Variants in PAG1 observed in about 807,000 individuals in gnomAD.
PAG1 encodes phosphoprotein membrane anchor with glycosphingolipid microdomains 1.
In PAG1, 23 loss-of-function variants were observed where a neutral mutation model predicts 31.7. The observed-to-expected ratio is 0.73, with a 90% CI of 0.52 to 1.03. The LOEUF is 1.03. Among genes scored for constraint, PAG1 ranks in the 50% least tolerant of loss-of-function variants. PAG1 has a pLI of 0.00. For synonymous variants in PAG1, 214 were observed against 210.3 expected, an observed-to-expected ratio of 1.02 and a Z score of -0.15; for missense variants, 473 against 540.7, an observed-to-expected ratio of 0.87 and a Z score of 1.24.
chr8:81,040,916 A>C (rs1190655816), intron 2 of PAG1: 1 of 152,232 alleles, frequency 6.6e-6, no homozygotes, highest in Non-Finnish European at 1.5e-5. Context: ...GAAGGAAAAA[A>C]CAGACGTGAA....
chr8:81,065,504 C>A (rs1197367334), intron 2 of PAG1, among the ~76,000 whole-genome samples: 2 of 152,108 alleles, frequency 1.3e-5, no homozygotes, highest in African/African-American at 4.8e-5. Flanking sequence ...CAGAAACTCG[C>A]CATAGGTCAC....
At chr8:81,065,284 C>G (rs1028370918) in intron 2 of PAG1, among the ~76,000 whole-genome samples, 1 of 152,142 alleles carries the variant, frequency 6.6e-6, no homozygotes, top group African/African-American at 2.4e-5. Flanking sequence ...AGAAATAATC[C>G]TCACTTCTGC....
chr8:81,081,058 G>A (rs1167507623), intron 1 of PAG1, among the ~76,000 whole-genome samples: 3 of 152,070 alleles, frequency 2.0e-5, no homozygotes, highest in African/African-American at 7.2e-5. Flanking sequence ...ACTCATCAGG[G>A]CAAATCATTC....
chr8:81,065,647 T>C (rs1264484210), intron 2 of PAG1, among the ~76,000 whole-genome samples: 1 of 151,834 alleles, frequency 6.6e-6, no homozygotes, highest in Non-Finnish European at 1.5e-5. Context: ...TTCTACCCAT[T>C]AGAAGCATTT....
chr8:80,991,382 C>T, intron 5 of PAG1, 97 bp downstream of exon 5: 1 of 933,756 alleles, frequency 1.1e-6, no homozygotes, highest in South Asian at 1.3e-5. Flanking sequence ...CCCGTGGGTT[C>T]TACTCAGGCT....
At chr8:80,984,224 C>T (rs1195600375) in intron 7 of PAG1, among the ~76,000 whole-genome samples, 1 of 152,126 alleles carries the variant, frequency 6.6e-6, no homozygotes, top group African/African-American at 2.4e-5. Context: ...ATGCATTTTA[C>T]AGCTTTGTTG....
chr8:80,987,396 T>G lies in PAG1; in HGVS notation c.248A>C (p.Gln83Pro). The change falls in exon 6 of 9, where the codon CAG becomes CCG. Residue 83 changes from glutamine to proline, a missense_variant. By Grantham distance (76) the Gln-to-Pro change is moderately conservative (BLOSUM62 -1). Transcript: ENST00000220597. ...LATDAPASSE[Q>P]NGALTNGDIL... ...GTCCCCATTGGTGAGTGCCCCATTC[T>G]GCTCACTGCTGGCAGGAGCATCTGT... is the stretch of plus-strand genomic sequence containing the variant. 6.2e-7 allele frequency: 1 copy of G among 1,613,364 alleles called. No individual in the cohort carries two copies. Among genetic ancestry groups the G allele is most frequent in the Non-Finnish European group, 8.5e-7 (1 of 1,179,232 alleles).
At chr8:81,053,442 T>C (rs182818258) in intron 2 of PAG1, among the ~76,000 whole-genome samples, 527 of 152,354 alleles carry the variant, frequency 3.5e-3, no homozygotes, top group Non-Finnish European at 5.5e-3. Flanking sequence ...ATGGCTTACT[T>C]GACAGAGACA....
chr8:81,066,123 A>T (rs755772971), intron 2 of PAG1, among the ~76,000 whole-genome samples: 29 of 152,218 alleles, frequency 1.9e-4, no homozygotes, highest in Non-Finnish European at 3.2e-4. Flanking sequence ...GCAAGCTGAC[A>T]TTTGGTGTCA....
chr8:81,035,620 C>T (rs1237724523), intron 2 of PAG1, among the ~76,000 whole-genome samples: 5 of 152,038 alleles, frequency 3.3e-5, no homozygotes, highest in Non-Finnish European at 5.9e-5. Flanking sequence ...GGGAGGGCAA[C>T]GATGGCACAT....
At chr8:80,982,198 G>A (rs916515267) in intron 7 of PAG1, among the ~76,000 whole-genome samples, 2 of 152,062 alleles carry the variant, frequency 1.3e-5, no homozygotes, top group Non-Finnish European at 2.9e-5. Flanking sequence ...ATCTTTTAAA[G>A]AGTGGTCTAA....
chr8:81,036,939 G>T (rs571796381), intron 2 of PAG1: 59 of 152,184 alleles, frequency 3.9e-4, no homozygotes, highest in African/African-American at 1.0e-3. Context: ...ATTAAAAGAG[G>T]GTTTTCTGGG....
intron 1 of PAG1, among the ~76,000 whole-genome samples, chr8:81,092,724 T>C (rs1374082216): frequency 1.3e-5 from 2 of 152,258 alleles, no homozygotes; most frequent in Non-Finnish European, 2.9e-5. Flanking sequence ...AAATTGTTTC[T>C]CAAGTTCATG....
In PAG1 at chr8:80,990,783, C is replaced by A. The variant is rs1250475872; in HGVS notation, c.177+696G>T. Among the ~76,000 whole-genome samples the A allele has an allele frequency of 6.6e-6, 1 of 152,162 alleles. No homozygotes were observed. The highest frequency in any genetic ancestry group is 2.4e-5 in the African/African-American group (1 of 41,430). On this transcript the variant is annotated intron_variant, in intron 5 of 8. Coordinates refer to ENST00000220597, the MANE Select transcript of PAG1 (RefSeq NM_018440.4). The surrounding 1 kb of genome is among the most constrained non-coding windows in gnomAD (Gnocchi z 5.1). The stretch of plus-strand genomic sequence containing the variant: ...CCCAAGCTCCCTCCAGCTTAATGAC[C>A]TGTTGTTATGGGTTGAACTGTGTCT...
chr8:80,978,717 G>A (rs954975817), intron 8 of PAG1, among the ~76,000 whole-genome samples: 2 of 152,068 alleles, frequency 1.3e-5, no homozygotes, highest in Non-Finnish European at 2.9e-5. Flanking sequence ...GTGTGCAGAG[G>A]GTCTCACTGT....
intron 3 of PAG1, among the ~76,000 whole-genome samples, chr8:81,013,850 G>A (rs1808026696): frequency 6.6e-6 from 1 of 152,130 alleles, no homozygotes; most frequent in Admixed American, 6.5e-5. Flanking sequence ...AAAGTTCTGG[G>A]ATTACAGGCG....
intron 3 of PAG1, among the ~76,000 whole-genome samples, chr8:81,025,818 T>C (rs961080419): frequency 1.3e-5 from 2 of 152,144 alleles, no homozygotes; most frequent in African/African-American, 4.8e-5. Flanking sequence ...GACAAATTCT[T>C]CCTCCACTGC....
Position 80,991,469 on chromosome 8 carries a change from G to A in PAG1, c.177+10C>T, listed in dbSNP as rs762680773. The A allele has an allele frequency of 8.1e-6, 13 of 1,607,538 alleles. No homozygotes were observed. Among genetic ancestry groups the A allele is most frequent in the East Asian group, 2.2e-5 (1 of 44,864 alleles). On this transcript the variant is annotated intron_variant, in intron 5 of 8. Transcript: ENST00000220597. ...ACGGACAGACAGGCAGACGACACGC[G>A]CAGGCTCACCACGTTCATCAGGTTC...
At chr8:81,060,281 G>C (rs770701651) in intron 2 of PAG1, among the ~76,000 whole-genome samples, 1 of 152,128 alleles carries the variant, frequency 6.6e-6, no homozygotes, top group East Asian at 1.9e-4. Context: ...AATACCCTGA[G>C]CTAAGGACTT....
Sources: gnomAD v4.1 joint callset for allele counts (sites outside exome capture counted in the v4.1 genomes callset) on GRCh38, gnomAD v4.1.1 for gene constraint, Gnocchi (gnomAD v3.1) non-coding constraint, MANE v1.5 for transcripts, NCBI Gene and HGNC (gene_info 2026-07-23, HGNC 2026-07-21) for gene names.